The following ASAH1 variants were observed in gnomAD, a reference collection of about 807,000 sequenced individuals.
ASAH1 encodes the protein acid ceramidase.
A neutral mutation model predicts 59.5 loss-of-function variants in ASAH1; 70 were observed. The ratio of observed to expected loss-of-function variants is 1.18; its 90% CI spans 0.97 to 1.43. ASAH1 has a LOEUF of 1.43. Ranked by LOEUF, ASAH1 falls within the 40% of genes most tolerant of loss-of-function variation. The probability of loss-of-function intolerance (pLI) is 0.00; values close to 1 mark genes in which losing one functional copy is unlikely to be tolerated. For synonymous variants in ASAH1, 213 were observed against 166.5 expected, an observed-to-expected ratio of 1.28 and a Z score of -2.15; for missense variants, 660 against 482.5, an observed-to-expected ratio of 1.37 and a Z score of -3.45.
chr8:18,065,257 T>C (rs1279860197), intron 5 of ASAH1: 1 of 151,932 alleles, frequency 6.6e-6, no homozygotes, highest in African/African-American at 2.4e-5. Context: ...TTCTTCTTAA[T>C]CCATAAGGTA....
At chr8:18,071,077 G>A (rs1800149261) in intron 3 of ASAH1, among the ~76,000 whole-genome samples, 1 of 151,846 alleles carries the variant, frequency 6.6e-6, no homozygotes, top group Admixed American at 6.6e-5. Flanking sequence ...CATGGTGGCA[G>A]GTGCCTGTAA....
At chr8:18,061,879 G>T in intron 8 of ASAH1, 139 bp from the exon 9 acceptor site, 2 of 857,786 alleles carry the variant, frequency 2.3e-6, no homozygotes, top group Non-Finnish European at 3.8e-6. Context: ...AACCATAAAA[G>T]GCTTTTTAAA....
rs1344784430 is a variant in ASAH1, at chr8:18,063,077, C to T, written c.503+108G>A. 7.0e-6 allele frequency: 7 copies of T among 1,005,520 alleles called. No individual in the cohort carries two copies. The African/African-American group carries it at 8.0e-5, about 11-fold the overall frequency. 62.3% of individuals were successfully genotyped at this position (1,005,520 alleles called of 1,614,324 possible). ...TAGAGACGGGGTTTCACCATCTTGG[C>T]CAGGCTGGTCTTGAACTCCTGACCT... On this transcript the variant is annotated intron_variant, in intron 7 of 13. Coordinates refer to ENST00000637790, the MANE Select transcript of ASAH1 (RefSeq NM_177924.5).
chr8:18,080,631 C>A (rs1158926965), intron 1 of ASAH1, among the ~76,000 whole-genome samples: 1 of 152,198 alleles, frequency 6.6e-6, no homozygotes, highest in Non-Finnish European at 1.5e-5. Context: ...GATCTTGGCT[C>A]ACTGCAACCT....
At chr8:18,064,563 C>T (rs373897235) in intron 5 of ASAH1, 32 bp from the exon 6 acceptor site, 55 of 1,243,340 alleles carry the variant, frequency 4.4e-5, no homozygotes, top group Non-Finnish European at 5.8e-6. Flanking sequence ...TGTTAATATA[C>T]AGAACCATGA....
chr8:18,077,825 A>T, intron 1 of ASAH1, among the ~76,000 whole-genome samples: 1 of 152,208 alleles, frequency 6.6e-6, no homozygotes, highest in East Asian at 1.9e-4. Flanking sequence ...AAAATTTGTA[A>T]ATAAGTTCTG....
rs1799518379 is a variant in ASAH1 at position 18,057,481 on chromosome 8, G to A, written c.*53C>T. ...AGACAGCTGCAGTGTTCGGTCACAT[G>A]GAGATGGTGTCTTCATGTCTCAGAG... is the stretch of plus-strand genomic sequence containing the variant. On this transcript the variant is annotated 3_prime_UTR_variant, in exon 14 of 14. Coordinates refer to ENST00000637790, the MANE Select transcript of ASAH1 (RefSeq NM_177924.5). 6 of 1,408,372 alleles carry A rather than the reference G, an allele frequency of 4.3e-6. No individual in the cohort carries two copies. The highest frequency in any genetic ancestry group is 1.4e-5 in the African/African-American group (1 of 69,964). 87.2% of individuals were successfully genotyped at this position (1,408,372 alleles called of 1,614,324 possible). A position where few individuals can be genotyped will look rare whatever the true frequency, so the allele number is the denominator to read the frequency against.
chr8:18,061,046 C>G, intron 10 of ASAH1: 1 of 259,250 alleles, frequency 3.9e-6, no homozygotes, highest in East Asian at 1.0e-4. Context: ...AGCCACTGTG[C>G]CTGGTCTGTA....
chr8:18,084,420 A>C, upstream of ASAH1: 2 of 1,372,388 alleles, frequency 1.5e-6, no homozygotes, highest in African/African-American at 1.5e-5. Context: ...TGGCGCCTCG[A>C]TGGGGCGCCT....
At chr8:18,084,745 G>A (rs1303901762), upstream of ASAH1, 12 of 1,613,734 alleles carry the variant, frequency 7.4e-6, no homozygotes, top group South Asian at 1.1e-5. Context: ...TGAGACTTGG[G>A]TAGGAGGCCC....
At chr8:18,084,347 C>T (rs1800803070), upstream of ASAH1, 2 of 1,414,220 alleles carry the variant, frequency 1.4e-6, no homozygotes, top group South Asian at 1.5e-5. Context: ...CCTCCCCCAC[C>T]GCGGGCAATA....
intron 6 of ASAH1, 156 bp downstream of exon 6, chr8:18,064,301 G>A (rs4921565): frequency 1.5e-6 from 1 of 675,016 alleles, no homozygotes; most frequent in Non-Finnish European, 2.6e-6. Context: ...AAAATTTTCA[G>A]TACAATCACA....
intron 1 of ASAH1, among the ~76,000 whole-genome samples, chr8:18,079,913 G>A (rs534549414): frequency 4.6e-5 from 7 of 152,194 alleles, no homozygotes; most frequent in South Asian, 4.1e-4. Context: ...TGATGGGATG[G>A]CATCCTATTA....
chr8:18,084,731 G>A, upstream of ASAH1: 8 of 1,613,788 alleles, frequency 5.0e-6, no homozygotes, highest in Non-Finnish European at 6.8e-6. Context: ...GGTGAAAAGC[G>A]CGCTGAGACT....
Position 18,057,079 on chromosome 8 carries a change from C to A in ASAH1, c.*455G>T. The A allele has an allele frequency of 5.9e-6, 1 of 170,786 alleles. No homozygotes were observed. The allele number at this position is 170,786 out of a possible 1,614,324, so 10.6% of individuals were successfully genotyped here. A position where few individuals can be genotyped will look rare whatever the true frequency, so the allele number is the denominator to read the frequency against. On this transcript the variant is annotated 3_prime_UTR_variant, in exon 14 of 14. Coordinates refer to ENST00000637790, the MANE Select transcript of ASAH1 (RefSeq NM_177924.5). ...ATATTAATTTTAACAGCAGTTAGAACCAGAAGGAAAAGGCTGTTATACAGA... is the reference window on the plus strand; with the variant it reads ...ATATTAATTTTAACAGCAGTTAGAAACAGAAGGAAAAGGCTGTTATACAGA...
chr8:18,068,097 AT>A (rs1800008605), intron 4 of ASAH1: 1 of 152,150 alleles, frequency 6.6e-6, no homozygotes, highest in South Asian at 2.1e-4. Flanking sequence ...TTAAACACTT[AT>A]TACATCCAAG....
chr8:18,076,528 T>G (rs1416934976), intron 1 of ASAH1: 1 of 151,850 alleles, frequency 6.6e-6, no homozygotes, highest in African/African-American at 2.4e-5. Flanking sequence ...GATTCTTTTG[T>G]TACTCATTCA....
At chr8:18,063,035 A>C in intron 7 of ASAH1, 150 bp downstream of exon 7, 5 of 693,930 alleles carry the variant, frequency 7.2e-6, no homozygotes, top group African/African-American at 1.8e-5. Flanking sequence ...ATGCCTGGCT[A>C]ATTTTTATGT....
At chr8:18,063,161 C>A (rs1799778254) in intron 7 of ASAH1, 24 bp downstream of exon 7, 3 of 1,612,278 alleles carry the variant, frequency 1.9e-6, no homozygotes, top group Middle Eastern at 3.3e-4. Flanking sequence ...AACCACCATG[C>A]CTGACCCTTT....
Sources: allele counts gnomAD v4.1 joint callset (sites outside exome capture counted in the v4.1 genomes callset), GRCh38; gene constraint gnomAD v4.1.1; transcripts MANE v1.5; gene names NCBI Gene and HGNC (gene_info 2026-07-23, HGNC 2026-07-21).